SCML4: variants seen among roughly 807,000 people sequenced by gnomAD.
SCML4 encodes the protein Scm polycomb group protein like 4, also known as sex comb on midleg-like protein 4.
A neutral mutation model predicts 41.1 loss-of-function variants in SCML4; 34 were observed. That is an observed-to-expected ratio of 0.83 (90% CI 0.63 to 1.10). The LOEUF (loss-of-function observed/expected upper bound fraction) is 1.10, where lower values mean the gene tolerates loss of function less well. Among genes scored for constraint, SCML4 ranks in the 50% least tolerant of loss-of-function variants. The probability of loss-of-function intolerance (pLI) is 0.00; values close to 1 mark genes in which losing one functional copy is unlikely to be tolerated. For synonymous variants in SCML4, 214 were observed against 220.9 expected (o/e 0.97, Z 0.28); for missense variants, 522 against 534.1 (o/e 0.98, Z 0.22).
intron 5 of SCML4, among the ~76,000 whole-genome samples, chr6:107,735,222 C>T (rs543424976): frequency 4.7e-4 from 71 of 152,264 alleles, no homozygotes; most frequent in African/African-American, 1.7e-3. Flanking sequence ...ATTCTTAAGA[C>T]CAGAGCTTGT....
chr6:107,705,533 C>T (rs1369901657), intron 7 of SCML4, among the ~76,000 whole-genome samples: 1 of 152,150 alleles, frequency 6.6e-6, no homozygotes, highest in East Asian at 1.9e-4. Flanking sequence ...TCCCTGGAGT[C>T]ATTTGATACA....
At chr6:107,730,889 C>T (rs1192861283) in intron 5 of SCML4, among the ~76,000 whole-genome samples, 3 of 152,204 alleles carry the variant, frequency 2.0e-5, no homozygotes, top group South Asian at 4.1e-4. Flanking sequence ...CTAAGCCTTC[C>T]GGTTTAGGGA....
intron 1 of SCML4, among the ~76,000 whole-genome samples, chr6:107,812,123 G>A (rs1238023790): frequency 6.6e-6 from 1 of 152,208 alleles, no homozygotes; most frequent in Non-Finnish European, 1.5e-5. Context: ...GTCACCAGTG[G>A]TGGATTGCCG....
the SCML4 span, among the ~76,000 whole-genome samples, chr6:107,841,585 G>A: frequency 6.6e-6 from 1 of 152,168 alleles, no homozygotes; most frequent in Non-Finnish European, 1.5e-5. Flanking sequence ...GCATGCTTTC[G>A]TTCCCACGTC....
chr6:107,817,041 G>A (rs1364650401), intron 1 of SCML4, among the ~76,000 whole-genome samples: 5 of 152,148 alleles, frequency 3.3e-5, no homozygotes, highest in African/African-American at 7.2e-5. Context: ...TGGAAGTTCC[G>A]TAACCTGTGT....
intron 1 of SCML4, among the ~76,000 whole-genome samples, chr6:107,803,458 CG>C (rs1435303390): frequency 3.4e-5 from 5 of 145,706 alleles, no homozygotes; most frequent in South Asian, 4.4e-4. Flanking sequence ...GCCAGCCGCC[CG>C]GTCCGGGAGG....
chr6:107,836,704 A>G, the SCML4 span, among the ~76,000 whole-genome samples: 1 of 152,188 alleles, frequency 6.6e-6, no homozygotes, highest in Non-Finnish European at 1.5e-5. Context: ...GAATACAACC[A>G]ATTCATATAA....
intron 1 of SCML4, among the ~76,000 whole-genome samples, chr6:107,803,424 G>GT (rs1232797111): frequency 1.4e-5 from 2 of 146,286 alleles, no homozygotes; most frequent in Non-Finnish European, 3.0e-5. Context: ...CGGGAGGGAG[G>GT]TGGGGGGGTC....
chr6:107,813,433 A>G (rs1784351887), intron 1 of SCML4, among the ~76,000 whole-genome samples: 1 of 125,188 alleles, frequency 8.0e-6, no homozygotes, highest in African/African-American at 3.0e-5. Context: ...TAAAACTGTA[A>G]AATTAAATAC....
chr6:107,827,879 C>T (rs1785305610), upstream of SCML4, among the ~76,000 whole-genome samples: 2 of 152,246 alleles, frequency 1.3e-5, no homozygotes, highest in South Asian at 4.1e-4. Flanking sequence ...ACACCGTTCA[C>T]ATTGAAAATG....
At chr6:107,783,703 G>A (rs1280539954) in intron 1 of SCML4, among the ~76,000 whole-genome samples, 2 of 150,748 alleles carry the variant, frequency 1.3e-5, no homozygotes, top group Admixed American at 1.3e-4. Flanking sequence ...CCTGATGGCA[G>A]GTGCTGGTCT....
At chr6:107,731,613 G>A (rs1213436722) in intron 5 of SCML4, among the ~76,000 whole-genome samples, 1 of 152,176 alleles carries the variant, frequency 6.6e-6, no homozygotes. Flanking sequence ...TTGATTGCCT[G>A]ACCCCTTTGC....
Position 107,705,164 on chromosome 6 carries a change from G to A in SCML4, c.*36C>T, listed in dbSNP as rs1317895400. On this transcript the variant is annotated 3_prime_UTR_variant, in exon 8 of 8. Transcript: ENST00000369020. ...AAGGCAGAAGATAATCTTGGGATCT[G>A]TTGTTTTGGGTTTCGCTTCTGTCTT... is the stretch of plus-strand genomic sequence containing the variant. 7.1e-6 allele frequency: 11 copies of A among 1,540,406 alleles called. No homozygotes were observed. The Admixed American group carries it at 9.8e-5, about 14-fold the overall frequency.
the SCML4 span, among the ~76,000 whole-genome samples, chr6:107,830,869 T>C: frequency 6.6e-6 from 1 of 152,194 alleles, no homozygotes; most frequent in African/African-American, 2.4e-5. Flanking sequence ...TGAGCTTTAA[T>C]TCAAATGGGT....
chr6:107,750,846 T>C (rs1325213689), intron 2 of SCML4, among the ~76,000 whole-genome samples: 1 of 152,226 alleles, frequency 6.6e-6, no homozygotes, highest in Non-Finnish European at 1.5e-5. Context: ...TGCTGGTCCA[T>C]GGACCACACT....
upstream of SCML4, among the ~76,000 whole-genome samples, chr6:107,826,081 T>C (rs142114475): frequency 4.7e-3 from 712 of 150,322 alleles, 5 homozygotes; most frequent in African/African-American, 0.014. Context: ...CCATCTCTAC[T>C]AAAAATACAA....
chr6:107,706,561 G>A (rs73762025), intron 7 of SCML4, among the ~76,000 whole-genome samples: 1,871 of 152,316 alleles, frequency 0.012, 49 homozygotes, highest in African/African-American at 0.043. Flanking sequence ...CATGCACGAC[G>A]TCTGGATTCT....
At chr6:107,820,653 A>G (rs955556090) in intron 1 of SCML4, among the ~76,000 whole-genome samples, 1 of 152,112 alleles carries the variant, frequency 6.6e-6, no homozygotes, top group African/African-American at 2.4e-5. Context: ...CAGAATTGAA[A>G]CCAAGACGAG....
chr6:107,792,402 G>A (rs1583597564), intron 1 of SCML4, among the ~76,000 whole-genome samples: 1 of 152,146 alleles, frequency 6.6e-6, no homozygotes, highest in Non-Finnish European at 1.5e-5. Flanking sequence ...GAAAATTTTA[G>A]TTAGGTAGAC....
Sources: allele counts gnomAD v4.1 joint callset (sites outside exome capture counted in the v4.1 genomes callset), GRCh38; gene constraint gnomAD v4.1.1; transcripts MANE v1.5; gene names NCBI Gene and HGNC (gene_info 2026-07-23, HGNC 2026-07-21).